The following NLGN1 variants were observed in gnomAD, a reference collection of about 807,000 sequenced individuals.
NLGN1 encodes the protein neuroligin 1.
In NLGN1, 12 loss-of-function variants were observed where a neutral mutation model predicts 65.5. The observed-to-expected ratio is 0.18, with a 90% CI of 0.12 to 0.30. The LOEUF is 0.30. Ranked by LOEUF, NLGN1 falls within the 10% of genes least tolerant of loss-of-function variation. The pLI is 1.00. For synonymous variants in NLGN1, 350 were observed against 359.5 expected (o/e 0.97, Z 0.30); for missense variants, 750 against 1,007.1 (o/e 0.74, Z 3.46).
At chr3:173,596,808 T>A (rs1170043503) in intron 2 of NLGN1, among the ~76,000 whole-genome samples, 2 of 152,190 alleles carry the variant, frequency 1.3e-5, no homozygotes, top group Non-Finnish European at 1.5e-5. Flanking sequence ...TTGGTTTTAA[T>A]TGTTTTATAT....
chr3:173,605,166 C>A, intron 3 of NLGN1, 75 bp downstream of exon 2: 4 of 1,214,372 alleles, frequency 3.3e-6, no homozygotes, highest in South Asian at 1.6e-5. Context: ...AATATTAATT[C>A]ATGTGTACTG....
At chr3:173,599,067 C>T (rs1750009635) in intron 2 of NLGN1, among the ~76,000 whole-genome samples, 1 of 152,092 alleles carries the variant, frequency 6.6e-6, no homozygotes, top group African/African-American at 2.4e-5. Flanking sequence ...TCTTTTAAGC[C>T]CATCTTAAAT....
At chr3:173,820,179 G>GAAAAAAAAAAAAAAA (rs63081662) in intron 4 of NLGN1, among the ~76,000 whole-genome samples, 1 of 136,616 alleles carries the variant, frequency 7.3e-6, no homozygotes, top group Non-Finnish European at 1.5e-5. Flanking sequence ...ATTCAGTCTC[G>GAAAAAAAAAAAAAAA]AAAAAAAAAA....
intron 4 of NLGN1, among the ~76,000 whole-genome samples, chr3:173,959,486 G>C (rs1173117063): frequency 6.6e-6 from 1 of 152,098 alleles, no homozygotes; most frequent in African/African-American, 2.4e-5. Flanking sequence ...TAAACCTTTG[G>C]CTTCTTGTAC....
At chr3:173,698,132 G>A (rs1766516871) in intron 3 of NLGN1, among the ~76,000 whole-genome samples, 1 of 152,024 alleles carries the variant, frequency 6.6e-6, no homozygotes, top group Non-Finnish European at 1.5e-5. Context: ...AAATCCTTAG[G>A]AAAATCACTG....
chr3:173,458,557 C>G (rs557194938), intron 2 of NLGN1, among the ~76,000 whole-genome samples: 1 of 152,030 alleles, frequency 6.6e-6, no homozygotes, highest in Non-Finnish European at 1.5e-5. Context: ...GACTCCTCCC[C>G]AAACTCCAGA....
chr3:173,840,661 T>C lies in NLGN1; in HGVS notation c.646+32829T>C, dbSNP rs911198241. Among the ~76,000 whole-genome samples the C allele has an allele frequency of 3.3e-5, 5 of 152,294 alleles. No homozygotes were observed. In the East Asian group the frequency reaches 9.7e-4, roughly 29 times the overall value. On this transcript the variant is annotated intron_variant, in intron 4 of 6. Transcript: ENST00000457714. ...GACTCCTCCTTCCTTCATCGAATCA[T>C]TAGGTATGCTTTAATGTCTTTGTCA...
At chr3:173,795,950 C>T (rs959580577) in intron 3 of NLGN1, among the ~76,000 whole-genome samples, 1 of 152,076 alleles carries the variant, frequency 6.6e-6, no homozygotes, top group African/African-American at 2.4e-5. Context: ...GGTCAATAGC[C>T]AGGGCTTTCC....
chr3:174,082,103 G>GA (rs1742356296), intron 4 of NLGN1, among the ~76,000 whole-genome samples: 2 of 152,160 alleles, frequency 1.3e-5, no homozygotes, highest in Admixed American at 1.3e-4. Flanking sequence ...GAAGATCTAA[G>GA]AAACTGATTT....
At chr3:173,720,600 T>C (rs1770676487) in intron 3 of NLGN1, among the ~76,000 whole-genome samples, 1 of 152,210 alleles carries the variant, frequency 6.6e-6, no homozygotes, top group African/African-American at 2.4e-5. Context: ...CCATACCTTA[T>C]TAGTAAGTGA....
At chr3:174,048,391 G>T (rs139144249) in intron 4 of NLGN1, among the ~76,000 whole-genome samples, 4 of 152,014 alleles carry the variant, frequency 2.6e-5, no homozygotes, top group African/African-American at 7.2e-5. Context: ...TTAAGTGCCC[G>T]TGAGAGGTGA....
At chr3:173,799,704 A>G (rs1167972753) in intron 3 of NLGN1, among the ~76,000 whole-genome samples, 1 of 151,952 alleles carries the variant, frequency 6.6e-6, no homozygotes, top group Non-Finnish European at 1.5e-5. Flanking sequence ...ATGAAAACAC[A>G]TGGGGAAATA....
intron 3 of NLGN1, among the ~76,000 whole-genome samples, chr3:173,678,288 C>G (rs1305105076): frequency 3.3e-5 from 5 of 152,040 alleles, no homozygotes; most frequent in Non-Finnish European, 7.4e-5. Flanking sequence ...ATGGTTCCTG[C>G]TTTTAAGAAA....
chr3:174,115,978 T>C (rs1716321204), intron 4 of NLGN1, among the ~76,000 whole-genome samples: 1 of 152,170 alleles, frequency 6.6e-6, no homozygotes, highest in South Asian at 2.1e-4. Flanking sequence ...CCATAGTGAA[T>C]TGTGCATATG....
At chr3:173,553,245 A>G (rs1028109453) in intron 2 of NLGN1, among the ~76,000 whole-genome samples, 2 of 152,174 alleles carry the variant, frequency 1.3e-5, no homozygotes, top group South Asian at 4.1e-4. Context: ...TTGCCTGTGA[A>G]TAGATGCAAA....
chr3:173,985,331 T>A (rs1344664914), intron 4 of NLGN1, among the ~76,000 whole-genome samples: 1 of 152,162 alleles, frequency 6.6e-6, no homozygotes, highest in Non-Finnish European at 1.5e-5. Flanking sequence ...CCCCTTTTTA[T>A]TAGAGCCTGT....
intron 4 of NLGN1, among the ~76,000 whole-genome samples, chr3:174,054,669 C>T (rs1453311855): frequency 6.6e-6 from 1 of 152,014 alleles, no homozygotes; most frequent in Non-Finnish European, 1.5e-5. Context: ...ATGACTAGTA[C>T]ACTGCTCATT....
intron 4 of NLGN1, among the ~76,000 whole-genome samples, chr3:173,873,164 C>T (rs1264478922): frequency 6.6e-6 from 1 of 151,694 alleles, no homozygotes; most frequent in Admixed American, 6.6e-5. Context: ...TGTCAGCTCA[C>T]TGCAACCTCT....
intron 2 of NLGN1, among the ~76,000 whole-genome samples, chr3:173,547,083 A>C (rs9847857): frequency 5.2e-4 from 79 of 151,906 alleles, no homozygotes; most frequent in Non-Finnish European, 1.0e-3. Flanking sequence ...CCACTTTGGC[A>C]TACTTGTTAA....
Sources: allele counts gnomAD v4.1 joint callset (sites outside exome capture counted in the v4.1 genomes callset), GRCh38; gene constraint gnomAD v4.1.1; transcripts MANE v1.5; gene names NCBI Gene and HGNC (gene_info 2026-07-23, HGNC 2026-07-21).